TIAM1: variants seen among roughly 807,000 people sequenced by gnomAD.
The protein encoded by TIAM1 is TIAM Rac1 associated GEF 1.
Under a neutral mutation model 163.5 loss-of-function variants are expected in TIAM1, and 65 were observed. The observed-to-expected ratio is 0.40, with a 90% CI of 0.33 to 0.49. The LOEUF (loss-of-function observed/expected upper bound fraction) is 0.49, where lower values mean the gene tolerates loss of function less well. Among genes scored for constraint, TIAM1 ranks in the 20% least tolerant of loss-of-function variants. The pLI is 0.77. For missense variants in TIAM1, 1,789 were observed against 2,044.7 expected, an observed-to-expected ratio of 0.87 and a Z score of 2.41; for synonymous variants, 833 against 810.1, an observed-to-expected ratio of 1.03 and a Z score of -0.48.
chr21:31,324,038 G>A (rs1276158125), intron 2 of TIAM1, among the ~76,000 whole-genome samples: 1 of 151,298 alleles, frequency 6.6e-6, no homozygotes, highest in Non-Finnish European at 1.5e-5. Flanking sequence ...GTGACTTCCT[G>A]GAATTAGCAA....
At chr21:31,433,009 T>C (rs1301201411) in intron 2 of TIAM1, among the ~76,000 whole-genome samples, 1 of 152,218 alleles carries the variant, frequency 6.6e-6, no homozygotes, top group Non-Finnish European at 1.5e-5. Flanking sequence ...GGGAAACATG[T>C]AACAAATTTA....
intron 15 of TIAM1, among the ~76,000 whole-genome samples, chr21:31,169,127 C>G (rs1032797148): frequency 2.0e-5 from 3 of 152,162 alleles, no homozygotes; most frequent in Non-Finnish European, 2.9e-5. Flanking sequence ...AATGCCATCT[C>G]TACTAAAAAT....
chr21:31,359,968 C>G (rs2076382277), intron 2 of TIAM1, among the ~76,000 whole-genome samples: 1 of 151,754 alleles, frequency 6.6e-6, no homozygotes, highest in Non-Finnish European at 1.5e-5. Context: ...AAAAAGATAC[C>G]AACCCATAGA....
intron 2 of TIAM1, among the ~76,000 whole-genome samples, chr21:31,403,350 T>C (rs933161253): frequency 1.3e-5 from 2 of 152,128 alleles, no homozygotes; most frequent in Non-Finnish European, 2.9e-5. Flanking sequence ...GGTTTCACCA[T>C]GTTAGCCAGG....
intron 15 of TIAM1, among the ~76,000 whole-genome samples, chr21:31,173,276 T>C (rs1316330286): frequency 6.6e-6 from 1 of 152,156 alleles, no homozygotes; most frequent in Non-Finnish European, 1.5e-5. Context: ...TAAAAGGTCT[T>C]TTTAATGCCT....
chr21:31,553,814 T>C (rs2048776839), intron 1 of TIAM1, among the ~76,000 whole-genome samples: 1 of 152,128 alleles, frequency 6.6e-6, no homozygotes, highest in Non-Finnish European at 1.5e-5. Flanking sequence ...CCTTCCCTCC[T>C]GAGCAAGCAA....
intron 6 of TIAM1, among the ~76,000 whole-genome samples, chr21:31,231,773 T>C (rs1219606480): frequency 3.9e-5 from 6 of 152,080 alleles, no homozygotes; most frequent in Non-Finnish European, 5.9e-5. Context: ...CCCAGCACTT[T>C]GGGAGGCCAA....
chr21:31,167,010 C>A lies in TIAM1; in HGVS notation c.2888-1945G>T, dbSNP rs572977844. Among the ~76,000 whole-genome samples, 10 of 152,248 alleles carry A rather than the reference C, an allele frequency of 6.6e-5. No homozygotes were observed. The South Asian group carries it at 2.1e-3, about 32-fold the overall frequency. On this transcript the variant is annotated intron_variant, in intron 15 of 27. Transcript: ENST00000541036. ...TACACTGTGCAGAGAAATGCTGTAA[C>A]CCTGCACATCCCATCGCTCACAATG...
chr21:31,315,370 C>T (rs769157170), intron 2 of TIAM1, among the ~76,000 whole-genome samples: 3 of 151,826 alleles, frequency 2.0e-5, no homozygotes, highest in Non-Finnish European at 2.9e-5. Flanking sequence ...AAAAAATTAT[C>T]CAGGCATGGT....
At chr21:31,438,847 C>G (rs552259048) in intron 2 of TIAM1, among the ~76,000 whole-genome samples, 2 of 152,276 alleles carry the variant, frequency 1.3e-5, no homozygotes, top group South Asian at 2.1e-4. Flanking sequence ...CAGTAGCAAC[C>G]CACAACAACC....
At chr21:31,164,823 C>A in intron 16 of TIAM1, 139 bp downstream of exon 16, 2 of 739,480 alleles carry the variant, frequency 2.7e-6, no homozygotes, top group Non-Finnish European at 2.2e-6. Context: ...TCATTTCCTG[C>A]TATTCAGCAA....
At chr21:31,505,586 C>T (rs1037023805) in intron 1 of TIAM1, among the ~76,000 whole-genome samples, 3 of 151,936 alleles carry the variant, frequency 2.0e-5, no homozygotes, top group African/African-American at 7.3e-5. Flanking sequence ...TGAGTGTAGA[C>T]ATTGCAGAGA....
intron 11 of TIAM1, among the ~76,000 whole-genome samples, chr21:31,209,327 TCTCTCTCCC>T (rs1454268086): frequency 1.3e-5 from 2 of 152,198 alleles, no homozygotes; most frequent in Non-Finnish European, 2.9e-5. Flanking sequence ...TCTTCTTTCC[TCTCTCTCCC>T]CTCACTCAAG....
intron 2 of TIAM1, among the ~76,000 whole-genome samples, chr21:31,443,103 G>A (rs934082860): frequency 6.6e-6 from 1 of 152,228 alleles, no homozygotes; most frequent in Non-Finnish European, 1.5e-5. Context: ...ACCTTGGACT[G>A]TGGAGTTTCA....
At chr21:31,301,379 A>T (rs1356999543) in intron 2 of TIAM1, among the ~76,000 whole-genome samples, 1 of 152,210 alleles carries the variant, frequency 6.6e-6, no homozygotes, top group Non-Finnish European at 1.5e-5. Flanking sequence ...GTAACTATGG[A>T]ACACAGATGA....
At chr21:31,501,633 C>T (rs895530300) in intron 1 of TIAM1, among the ~76,000 whole-genome samples, 21 of 152,082 alleles carry the variant, frequency 1.4e-4, no homozygotes, top group African/African-American at 4.1e-4. Flanking sequence ...GACAGGGTCT[C>T]GCTCTGTTGC....
chr21:31,354,319 T>C (rs989964728), intron 2 of TIAM1, among the ~76,000 whole-genome samples: 4 of 152,142 alleles, frequency 2.6e-5, no homozygotes, highest in African/African-American at 9.7e-5. Flanking sequence ...TGGAAGTTAA[T>C]TGTCACTCCG....
chr21:31,384,962 T>A (rs2076841013), intron 2 of TIAM1, among the ~76,000 whole-genome samples: 2 of 152,208 alleles, frequency 1.3e-5, no homozygotes, highest in African/African-American at 2.4e-5. Context: ...TTGAATGCTG[T>A]CCCCTCTAAA....
At chr21:31,152,448 T>C (rs2083423363) in intron 19 of TIAM1, among the ~76,000 whole-genome samples, 188 bp downstream of exon 19, 1 of 152,200 alleles carries the variant, frequency 6.6e-6, no homozygotes, top group African/African-American at 2.4e-5. Flanking sequence ...TGCACCAGTT[T>C]AATGCAAATT....
Sources: allele counts gnomAD v4.1 joint callset (sites outside exome capture counted in the v4.1 genomes callset), GRCh38; gene constraint gnomAD v4.1.1; transcripts MANE v1.5; gene names NCBI Gene and HGNC (gene_info 2026-07-23, HGNC 2026-07-21).